DOP1A: variants seen among roughly 807,000 people sequenced by gnomAD.
The protein encoded by DOP1A is DOP1 leucine zipper like protein A.
A neutral mutation model predicts 267.6 loss-of-function variants in DOP1A; 90 were observed. The ratio of observed to expected loss-of-function variants is 0.34; its 90% CI spans 0.28 to 0.40. The LOEUF (loss-of-function observed/expected upper bound fraction) is 0.40. Among genes scored for constraint, DOP1A ranks in the 10% least tolerant of loss-of-function variants. The probability of loss-of-function intolerance (pLI) is 1.00; values close to 1 mark genes in which losing one functional copy is unlikely to be tolerated. For synonymous variants in DOP1A, 932 were observed against 999.1 expected (o/e 0.93, Z 1.27); for missense variants, 2,437 against 2,900.4 (o/e 0.84, Z 3.67).
chr6:83,081,558 A>T (rs905636927), intron 1 of DOP1A, among the ~76,000 whole-genome samples: 3 of 151,234 alleles, frequency 2.0e-5, no homozygotes, highest in Admixed American at 6.6e-5. Context: ...CTTGGGTTAT[A>T]AAAAAAAATA....
At chr6:83,132,057 G>T (rs1778139285) in intron 17 of DOP1A, 119 bp from the exon 18 acceptor site, 1 of 1,202,318 alleles carries the variant, frequency 8.3e-7, no homozygotes, top group East Asian at 2.4e-5. Flanking sequence ...CCATGCAGTA[G>T]AATATTAAAA....
At chr6:83,093,480 T>C (rs747037766) in intron 1 of DOP1A, among the ~76,000 whole-genome samples, 27 of 152,240 alleles carry the variant, frequency 1.8e-4, no homozygotes, top group Non-Finnish European at 3.2e-4. Context: ...GTTTTTAACC[T>C]TTTTGTTAAA....
intron 11 of DOP1A, among the ~76,000 whole-genome samples, chr6:83,122,337 A>G (rs1776502577): frequency 6.6e-6 from 1 of 151,906 alleles, no homozygotes; most frequent in African/African-American, 2.4e-5. Flanking sequence ...TCCCTGATGC[A>G]ATTTCAGTAA....
chr6:83,095,851 C>A (rs1485738947), intron 1 of DOP1A, among the ~76,000 whole-genome samples: 1 of 152,134 alleles, frequency 6.6e-6, no homozygotes, highest in African/African-American at 2.4e-5. Flanking sequence ...GTATAGAAAG[C>A]TTCAGCTCCT....
intron 1 of DOP1A, among the ~76,000 whole-genome samples, chr6:83,082,867 G>A (rs1004193022): frequency 1.2e-4 from 18 of 151,362 alleles, no homozygotes; most frequent in South Asian, 6.3e-4. Context: ...GAGTGCAGTG[G>A]TGCGGTCTCC....
intron 38 of DOP1A, chr6:83,164,757 A>G (rs1221008091): frequency 1.3e-6 from 2 of 1,535,984 alleles, no homozygotes; most frequent in Admixed American, 2.0e-5. Context: ...TATGGCAGCA[A>G]AAGTTGCCAA....
intron 1 of DOP1A, among the ~76,000 whole-genome samples, chr6:83,088,483 C>T (rs1232290314): frequency 2.9e-5 from 4 of 136,000 alleles, no homozygotes; most frequent in African/African-American, 1.1e-4. Flanking sequence ...AGTGCAGTGG[C>T]GCGATCTCAG....
Position 83,137,449 on chromosome 6 carries a change from A to T in DOP1A, c.3407A>T (p.Asp1136Val). 1 of 1,613,816 alleles carries T rather than the reference A, an allele frequency of 6.2e-7. No homozygotes were observed. Among genetic ancestry groups the T allele is most frequent in the Non-Finnish European group, 8.5e-7 (1 of 1,179,856 alleles). Residue 1136 changes from aspartate (D) to valine (V), a missense_variant, in exon 21 of 39, where the codon GAT becomes GTT. By Grantham distance (152) the Asp-to-Val change is radical (BLOSUM62 -3). Transcript: ENST00000349129. ...CCTGAAACCGTGAATGCCCAAGAGG[A>T]TTCTCAAATGCCCAAGGAAAGCTCC... ...VDPETVNAQE[D>V]SQMPKESSPD...
intron 36 of DOP1A, among the ~76,000 whole-genome samples, chr6:83,158,902 A>G (rs1165032084): frequency 3.9e-5 from 6 of 152,228 alleles, no homozygotes; most frequent in Non-Finnish European, 8.8e-5. Context: ...TTGGTAAGTC[A>G]CATCTGGTCT....
chr6:83,167,660 G>A, intron 38 of DOP1A: 1 of 1,341,420 alleles, frequency 7.5e-7, no homozygotes, highest in Non-Finnish European at 9.5e-7. Flanking sequence ...TTACTACAAT[G>A]TTAGACTGCT....
chr6:83,157,167 C>T lies in DOP1A; in HGVS notation c.6605-15C>T. ...AGATTATTTAGTTATTGAAAATGCTCTGCATTTCTTTCAGAGAGATTGGTT... is the reference window on the plus strand; with the variant it reads ...AGATTATTTAGTTATTGAAAATGCTTTGCATTTCTTTCAGAGAGATTGGTT... On this transcript the variant is annotated splice_polypyrimidine_tract_variant and intron_variant, in intron 34 of 38. Coordinates refer to ENST00000349129, the MANE Select transcript of DOP1A (RefSeq NM_015018.4). 6.2e-7 allele frequency: 1 copy of T among 1,605,948 alleles called. No individual in the cohort carries two copies. The highest frequency in any genetic ancestry group is 8.5e-7 in the Non-Finnish European group (1 of 1,178,012).
downstream of DOP1A, chr6:83,170,148 T>A (rs1387356347): frequency 4.7e-6 from 3 of 641,530 alleles, no homozygotes; most frequent in Non-Finnish European, 7.9e-6. Flanking sequence ...GTATAATTAC[T>A]GCTGGTGAAA....
intron 38 of DOP1A, chr6:83,167,514 AGTAGTGAG>A (rs1786057653): frequency 2.0e-6 from 2 of 1,014,364 alleles, no homozygotes; most frequent in Non-Finnish European, 2.4e-6. Context: ...CCTTGGTTAC[AGTAGTGAG>A]GGTTCAGAAA....
At chr6:83,163,909 A>C (rs1043587382) in intron 38 of DOP1A, among the ~76,000 whole-genome samples, 8 of 151,966 alleles carry the variant, frequency 5.3e-5, no homozygotes, top group African/African-American at 1.9e-4. Flanking sequence ...TGTCTTATAT[A>C]CTTTTTATCT....
At chr6:83,095,828 T>C (rs1771379952) in intron 1 of DOP1A, among the ~76,000 whole-genome samples, 1 of 152,236 alleles carries the variant, frequency 6.6e-6, no homozygotes, top group East Asian at 1.9e-4. Flanking sequence ...TAAGGTGGCT[T>C]ACTCACATGG....
intron 7 of DOP1A, among the ~76,000 whole-genome samples, chr6:83,113,886 T>G (rs906746301): frequency 6.6e-6 from 1 of 152,194 alleles, no homozygotes; most frequent in South Asian, 2.1e-4. Flanking sequence ...AGTTGACAAA[T>G]AATAAATGAA....
At chr6:83,120,897 A>G (rs1776266026) in intron 10 of DOP1A, 106 bp downstream of exon 10, 1 of 785,974 alleles carries the variant, frequency 1.3e-6, no homozygotes, top group East Asian at 2.8e-5. Context: ...GGTGGCCTTT[A>G]AATATAAGTT....
intron 4 of DOP1A, among the ~76,000 whole-genome samples, chr6:83,104,898 C>T (rs1018062772): frequency 2.0e-5 from 3 of 151,506 alleles, no homozygotes; most frequent in South Asian, 4.2e-4. Context: ...TTTTAAAAAC[C>T]AACTTTTATT....
At chr6:83,075,839 A>C (rs148023166) in intron 1 of DOP1A, among the ~76,000 whole-genome samples, 28 of 152,334 alleles carry the variant, frequency 1.8e-4, no homozygotes, top group African/African-American at 6.5e-4. Flanking sequence ...AAAGATTAAC[A>C]CAAAATGGAT....
Sources: gnomAD v4.1 joint callset for allele counts (sites outside exome capture counted in the v4.1 genomes callset) on GRCh38, gnomAD v4.1.1 for gene constraint, MANE v1.5 for transcripts, NCBI Gene and HGNC (gene_info 2026-07-23, HGNC 2026-07-21) for gene names.